The following TBCD variants were observed in gnomAD, a reference collection of about 807,000 sequenced individuals.
TBCD encodes tubulin folding cofactor D.
A neutral mutation model predicts 169.3 loss-of-function variants in TBCD; 105 were observed. The observed-to-expected ratio is 0.62, with a 90% CI of 0.53 to 0.73. The LOEUF is 0.73. Ranked by LOEUF, TBCD falls within the 30% of genes least tolerant of loss-of-function variation. The probability of loss-of-function intolerance (pLI) is 0.00; values close to 1 mark genes in which losing one functional copy is unlikely to be tolerated. For synonymous variants in TBCD, 700 were observed against 643.9 expected (o/e 1.09, Z -1.32); for missense variants, 1,444 against 1,600.1 (o/e 0.90, Z 1.66).
At chr17:82,924,758 A>G (rs533395646) in intron 26 of TBCD, among the ~76,000 whole-genome samples, 181 bp from the exon 27 acceptor site, 1 of 152,322 alleles carries the variant, frequency 6.6e-6, no homozygotes, top group East Asian at 1.9e-4. Context: ...CTCAAAAAAA[A>G]AATTCTCTTT....
rs149310065 is a variant in TBCD at position 82,798,065 on chromosome 17, G to A, written c.817+263G>A. 9.5e-3 allele frequency among the ~76,000 whole-genome samples: 1,312 copies of A among 137,812 alleles called. 17 individuals carry two copies. Among genetic ancestry groups the A allele is most frequent in the African/African-American group, 0.032 (1,210 of 37,244 alleles). 90.4% of individuals were successfully genotyped at this position (137,812 alleles called of 152,430 possible). ...AATCTTGGCTCACTGCAGCCTCCGCGTCCTGGGTTCAAGCAATTCTTCTGC... is the reference window on the plus strand; with the variant it reads ...AATCTTGGCTCACTGCAGCCTCCGCATCCTGGGTTCAAGCAATTCTTCTGC... On this transcript the variant is annotated intron_variant, in intron 8 of 38. Transcript: ENST00000355528.
chr17:82,921,615 C>G, intron 25 of TBCD, 38 bp downstream of exon 25: 5 of 1,593,294 alleles, frequency 3.1e-6, no homozygotes, highest in Non-Finnish European at 4.3e-6. Flanking sequence ...GGCGCTGTGG[C>G]GGTGTTAGTG....
intron 31 of TBCD, 28 bp from the exon 32 acceptor site, chr17:82,929,334 C>T (rs201988651): frequency 7.5e-6 from 12 of 1,609,750 alleles, no homozygotes; most frequent in South Asian, 4.4e-5. Flanking sequence ...ATTGGCAGCC[C>T]GGCCTTGTCT....
chr17:82,871,856 C>G (rs1306856241), intron 14 of TBCD, among the ~76,000 whole-genome samples: 2 of 152,216 alleles, frequency 1.3e-5, no homozygotes, highest in African/African-American at 4.8e-5. Flanking sequence ...TCCACTGTGG[C>G]TCCTGGGTTC....
intron 12 of TBCD, among the ~76,000 whole-genome samples, chr17:82,814,230 C>T (rs1224939017): frequency 6.6e-6 from 1 of 152,236 alleles, no homozygotes; most frequent in Non-Finnish European, 1.5e-5. Flanking sequence ...GGTCTTCCTG[C>T]TCCCTTTTCC....
At chr17:82,887,201 TTC>T (rs1260988041) in intron 15 of TBCD, among the ~76,000 whole-genome samples, 2 of 145,936 alleles carry the variant, frequency 1.4e-5, no homozygotes, top group Non-Finnish European at 3.0e-5. Context: ...ACGCGTTTAC[TTC>T]TGTGTGATTG....
intron 13 of TBCD, among the ~76,000 whole-genome samples, chr17:82,847,986 G>A (rs1056241068): frequency 3.3e-5 from 5 of 152,222 alleles, no homozygotes; most frequent in Non-Finnish European, 5.9e-5. Flanking sequence ...ACGAGTGGGA[G>A]TAGAGCAAAC....
chr17:82,926,546 G>T (rs2147251993), intron 28 of TBCD, 55 bp downstream of exon 28: 2 of 1,456,858 alleles, frequency 1.4e-6, no homozygotes, highest in South Asian at 1.2e-5. Flanking sequence ...GCCAGCAGAT[G>T]AACGCTAAGG....
chr17:82,927,896 T>C lies in TBCD; in HGVS notation c.2610-9T>C, dbSNP rs767880204. On this transcript the variant is annotated splice_polypyrimidine_tract_variant and intron_variant, in intron 29 of 38. Coordinates refer to ENST00000355528, the MANE Select transcript of TBCD (RefSeq NM_005993.5). ...AGCTGGGTGTCTCTGCCTCTCCTTG[T>C]CCCATCAGGGTCCGCAAGGCCGCCA... is the stretch of plus-strand genomic sequence containing the variant. The C allele has an allele frequency of 6.2e-7, 1 of 1,613,006 alleles. No individual in the cohort carries two copies. The highest frequency in any genetic ancestry group is 2.2e-5 in the East Asian group (1 of 44,884).
At chr17:82,924,367 C>T (rs80262699) in intron 26 of TBCD, among the ~76,000 whole-genome samples, 2,211 of 152,320 alleles carry the variant, frequency 0.015, 53 homozygotes, top group African/African-American at 0.051. Flanking sequence ...GCTGGCTTTA[C>T]GCCGTGTCCC....
chr17:82,938,163 G>A (rs762517979), intron 36 of TBCD, 27 bp downstream of exon 36: 1 of 1,602,426 alleles, frequency 6.2e-7, no homozygotes, highest in Non-Finnish European at 8.5e-7. Flanking sequence ...GCTCACGTGT[G>A]TTTGCCGTGT....
chr17:82,829,803 A>G (rs982288873), intron 13 of TBCD: 1 of 286,402 alleles, frequency 3.5e-6, no homozygotes, highest in African/African-American at 2.2e-5. Flanking sequence ...GAGCTAATAG[A>G]AAAACAGTTA....
At chr17:82,848,098 C>T (rs1442731208) in intron 13 of TBCD, among the ~76,000 whole-genome samples, 2 of 152,134 alleles carry the variant, frequency 1.3e-5, no homozygotes, top group South Asian at 2.1e-4. Flanking sequence ...TGGGATGGTG[C>T]TCTGTGGCAG....
intron 6 of TBCD, among the ~76,000 whole-genome samples, chr17:82,777,862 T>G (rs1412331212): frequency 6.8e-6 from 1 of 147,386 alleles, no homozygotes; most frequent in Non-Finnish European, 1.5e-5. Context: ...GAGACTCTCT[T>G]TCCCGGTCCG....
intron 21 of TBCD, chr17:82,908,139 G>T (rs977488586): frequency 2.5e-6 from 1 of 405,022 alleles, no homozygotes; most frequent in Non-Finnish European, 4.7e-6. Context: ...AGTCGGTGGA[G>T]GTTTCGGCTG....
At chr17:82,787,645 G>A (rs2049411564) in intron 7 of TBCD, among the ~76,000 whole-genome samples, 1 of 152,214 alleles carries the variant, frequency 6.6e-6, no homozygotes, top group Non-Finnish European at 1.5e-5. Flanking sequence ...GGTTTCATCT[G>A]TTTCCTTTGA....
At chr17:82,840,852 G>C (rs1476241857) in intron 13 of TBCD, among the ~76,000 whole-genome samples, 1 of 152,074 alleles carries the variant, frequency 6.6e-6, no homozygotes, top group Non-Finnish European at 1.5e-5. Flanking sequence ...TGGGAAAGGA[G>C]GTGGGATGAG....
In TBCD at chr17:82,848,005, T is replaced by A. The variant is rs552051057; in HGVS notation, c.1319-22219T>A. ...GTGGGAGTAGAGCAAACGGCCCCTG[T>A]CTGTTGCCCCTTTTTCCTACCAAGG... On this transcript the variant is annotated intron_variant, in intron 13 of 38. Transcript: ENST00000355528. 5.3e-5 allele frequency among the ~76,000 whole-genome samples: 8 copies of A among 152,318 alleles called. No homozygotes were observed. In the East Asian group the frequency reaches 1.4e-3, roughly 26 times the overall value.
chr17:82,914,806 GT>G (rs2060911265), intron 23 of TBCD, among the ~76,000 whole-genome samples: 1 of 152,166 alleles, frequency 6.6e-6, no homozygotes, highest in African/African-American at 2.4e-5. Flanking sequence ...GTCAACTCAG[GT>G]TTTTTTCTCC....
Sources: gnomAD v4.1 joint callset for allele counts (sites outside exome capture counted in the v4.1 genomes callset) on GRCh38, gnomAD v4.1.1 for gene constraint, MANE v1.5 for transcripts, NCBI Gene and HGNC (gene_info 2026-07-23, HGNC 2026-07-21) for gene names.